Variants in TANC1 observed in about 807,000 individuals in gnomAD.
TANC1 encodes the protein protein TANC1.
A neutral mutation model predicts 149.7 loss-of-function variants in TANC1; 77 were observed. That is an observed-to-expected ratio of 0.51 (90% CI 0.43 to 0.62). The LOEUF is 0.62. Ranked by LOEUF, TANC1 falls within the 20% of genes least tolerant of loss-of-function variation. TANC1 has a pLI of 0.00. For missense variants in TANC1, 1,985 were observed against 2,321.8 expected (o/e 0.85, Z 2.98); for synonymous variants, 854 against 925.0 (o/e 0.92, Z 1.39).
At chr2:159,076,763 A>G (rs1022130259) in intron 3 of TANC1, among the ~76,000 whole-genome samples, 2 of 152,216 alleles carry the variant, frequency 1.3e-5, no homozygotes, top group Non-Finnish European at 2.9e-5. Flanking sequence ...GCATTGAGCA[A>G]CTACCCAAAG....
chr2:159,000,878 G>C lies in TANC1; in HGVS notation c.-125-202G>C, dbSNP rs2036564739. ...CGTAATGAGAACATCTGCCATCACT[G>C]ACCCTGCGCTGGACACTGCCCTAAG... is the stretch of plus-strand genomic sequence containing the variant. On this transcript the variant is annotated intron_variant, in intron 1 of 26. Coordinates refer to ENST00000263635, the MANE Select transcript of TANC1 (RefSeq NM_033394.3). Among the ~76,000 whole-genome samples the C allele has an allele frequency of 4.6e-5, 7 of 152,260 alleles. 1 individual carries two copies. In the South Asian group the frequency reaches 1.5e-3, roughly 32 times the overall value.
intron 2 of TANC1, chr2:159,004,180 G>A (rs2036908625): frequency 1.2e-6 from 2 of 1,612,628 alleles, no homozygotes; most frequent in Admixed American, 1.7e-5. Flanking sequence ...AGTTTAACAA[G>A]CCTTAGGAAG....
intron 4 of TANC1, among the ~76,000 whole-genome samples, chr2:159,129,549 G>A (rs1195369134): frequency 6.6e-6 from 1 of 152,082 alleles, no homozygotes; most frequent in Non-Finnish European, 1.5e-5. Flanking sequence ...AAGCTGACAG[G>A]TGCTTGGGTT....
In TANC1 at chr2:159,150,362, T is replaced by C. The variant is rs774563036; in HGVS notation, c.496-8T>C. 3.7e-6 allele frequency: 6 copies of C among 1,613,236 alleles called. No homozygotes were observed. In the Admixed American group the frequency reaches 1.0e-4, roughly 27 times the overall value. ...CCGTGCTAACTCCTCCTTCCATTCA[T>C]CTTGCAGTGCACAGCTCTGAGTCAA... is the stretch of plus-strand genomic sequence containing the variant. On this transcript the variant is annotated splice_polypyrimidine_tract_variant and splice_region_variant and intron_variant, in intron 6 of 26. Coordinates refer to ENST00000263635, the MANE Select transcript of TANC1 (RefSeq NM_033394.3).
Position 159,172,529 on chromosome 2 carries a change from A to C in TANC1, c.1503+257A>C, listed in dbSNP as rs1486207527. Among the ~76,000 whole-genome samples, 6 of 152,350 alleles carry C rather than the reference A, an allele frequency of 3.9e-5. No individual in the cohort carries two copies. In the East Asian group the frequency reaches 1.2e-3, roughly 29 times the overall value. ...GTTCCTCAAGGCAGCAGAAGGTAGC[A>C]TGTGCACTCGCCACAAATCCATGCT... On this transcript the variant is annotated intron_variant, in intron 11 of 26. Transcript: ENST00000263635.
At chr2:159,010,853 A>G (rs138918790) in intron 2 of TANC1, among the ~76,000 whole-genome samples, 1 of 152,030 alleles carries the variant, frequency 6.6e-6, no homozygotes, top group Non-Finnish European at 1.5e-5. Flanking sequence ...ATAATCTCCT[A>G]AAGACCATTC....
chr2:159,097,191 A>G (rs192370495), intron 3 of TANC1, among the ~76,000 whole-genome samples: 1 of 152,260 alleles, frequency 6.6e-6, no homozygotes, highest in East Asian at 1.9e-4. Flanking sequence ...CTACACTCTC[A>G]CTTAGTCTTT....
At chr2:159,147,545 T>C (rs1042696545) in intron 5 of TANC1, 2 of 152,382 alleles carry the variant, frequency 1.3e-5, no homozygotes, top group African/African-American at 4.8e-5. Context: ...AGAATCAAAA[T>C]GTGCTTTGAG....
Position 159,170,785 on chromosome 2 carries a change from G to A in TANC1, c.1331G>A (p.Ser444Asn). The A allele has an allele frequency of 6.2e-7, 1 of 1,613,938 alleles. No homozygotes were observed. The highest frequency in any genetic ancestry group is 1.1e-5 in the South Asian group (1 of 91,068). The part of the protein sequence containing the change: ...GSRMRQIASN[S>N]PGSSPKTSDP... ...CGCATGAGGCAGATTGCTTCCAACA[G>A]CCCGGGTTCATCACCTAAAAGTACG... Residue 444 changes from serine (S) to asparagine (N), a missense_variant, in exon 10 of 27, where the codon AGC (serine) becomes AAC (asparagine). Ser to Asn is a conservative substitution (Grantham distance 46, BLOSUM62 1). Transcript: ENST00000263635.
chr2:158,988,412 A>G (rs891335134), intron 1 of TANC1, among the ~76,000 whole-genome samples: 2 of 151,794 alleles, frequency 1.3e-5, no homozygotes, highest in Non-Finnish European at 2.9e-5. Context: ...CCCTTGGGAT[A>G]ATTTTTACTT....
intron 4 of TANC1, among the ~76,000 whole-genome samples, chr2:159,108,482 A>G (rs1177915857): frequency 1.3e-5 from 2 of 152,180 alleles, no homozygotes; most frequent in Admixed American, 6.5e-5. Flanking sequence ...GAATGTTTTC[A>G]CCTCAGAGAA....
intron 4 of TANC1, among the ~76,000 whole-genome samples, chr2:159,123,777 CAG>C (rs2049101751): frequency 6.6e-6 from 1 of 152,316 alleles, no homozygotes; most frequent in African/African-American, 2.4e-5. Context: ...AGAAGCTAAA[CAG>C]AGACAAAGTT....
chr2:159,083,803 A>C (rs1198985492), intron 3 of TANC1, among the ~76,000 whole-genome samples: 5 of 152,238 alleles, frequency 3.3e-5, no homozygotes, highest in African/African-American at 4.8e-5. Context: ...GTAGTCAGAC[A>C]ATATTGACAT....
At chr2:159,075,085 G>C (rs578256360) in intron 3 of TANC1, among the ~76,000 whole-genome samples, 13 of 152,060 alleles carry the variant, frequency 8.5e-5, no homozygotes, top group Non-Finnish European at 1.8e-4. Context: ...CTTTAATGTT[G>C]TTATTATAAA....
intron 3 of TANC1, among the ~76,000 whole-genome samples, chr2:159,082,817 G>T (rs2044416480): frequency 6.6e-6 from 1 of 152,150 alleles, no homozygotes; most frequent in Admixed American, 6.5e-5. Flanking sequence ...ACAAGAATGG[G>T]CTCTACTGTA....
intron 4 of TANC1, among the ~76,000 whole-genome samples, chr2:159,109,795 C>T (rs1342976129): frequency 6.6e-6 from 1 of 152,124 alleles, no homozygotes; most frequent in South Asian, 2.1e-4. Context: ...AGTATCACAC[C>T]ACATGTATTC....
intron 4 of TANC1, among the ~76,000 whole-genome samples, chr2:159,135,039 C>T (rs182798670): frequency 6.6e-6 from 1 of 152,244 alleles, no homozygotes; most frequent in Admixed American, 6.5e-5. Flanking sequence ...ATCCCTACAA[C>T]CTAATTTTAG....
intron 2 of TANC1, among the ~76,000 whole-genome samples, chr2:159,010,692 G>C (rs1376876884): frequency 6.7e-6 from 1 of 148,384 alleles, no homozygotes; most frequent in Non-Finnish European, 1.5e-5. Context: ...ACTACATTCA[G>C]AACTATGTGC....
intron 2 of TANC1, among the ~76,000 whole-genome samples, chr2:159,039,427 C>T (rs577055664): frequency 6.6e-6 from 1 of 152,240 alleles, no homozygotes; most frequent in East Asian, 1.9e-4. Flanking sequence ...TACTCTAGTT[C>T]TTTTAATTGT....
Sources: gnomAD v4.1 joint callset for allele counts (sites outside exome capture counted in the v4.1 genomes callset) on GRCh38, gnomAD v4.1.1 for gene constraint, MANE v1.5 for transcripts, NCBI Gene and HGNC (gene_info 2026-07-23, HGNC 2026-07-21) for gene names.